RPS25: variants seen among roughly 807,000 people sequenced by gnomAD.
RPS25 encodes ribosomal protein S25.
RPS25 carries 1 observed loss-of-function variant against 14.4 expected under a neutral mutation model. The ratio of observed to expected loss-of-function variants is 0.07; its 90% confidence interval spans 0.02 to 0.33. The LOEUF (loss-of-function observed/expected upper bound fraction) is 0.33. Ranked by LOEUF, RPS25 falls within the 10% of genes least tolerant of loss-of-function variation. The probability of loss-of-function intolerance (pLI) is 1.00; values close to 1 mark genes in which losing one functional copy is unlikely to be tolerated. For synonymous variants in RPS25, 63 were observed against 53.8 expected, an observed-to-expected ratio of 1.17 and a Z score of -0.75; for missense variants, 65 against 144.6, an observed-to-expected ratio of 0.45 and a Z score of 2.82.
In RPS25 at chr11:119,015,819, G is replaced by A. The variant is rs1305313444; in HGVS notation, c.*4+22C>T. The A allele has an allele frequency of 2.7e-6, 4 of 1,494,198 alleles. No individual in the cohort carries two copies. The South Asian group carries it at 3.4e-5, about 13-fold the overall frequency. The allele number at this position is 1,494,198 out of a possible 1,614,324, so 92.6% of individuals were successfully genotyped here. A position where few individuals can be genotyped will look rare whatever the true frequency, so the allele number is the denominator to read the frequency against. ...GCTTTGTATCTACCTCCTACACCAT[G>A]AGCCCACACATTCCTACTCACCTAT... On this transcript the variant is annotated intron_variant, in intron 4 of 4. Coordinates refer to ENST00000527673, the MANE Select transcript of RPS25 (RefSeq NM_001028.3).
In RPS25 at chr11:119,017,954, C is replaced by G. The variant is rs953511615; in HGVS notation, c.99+4G>C. On this transcript the variant is annotated splice_donor_region_variant and intron_variant, in intron 2 of 4. Transcript: ENST00000527673. ...AGTCTCTTTCAGAGAGGTCTTATTT[C>G]TACCTTCTTTTTGGCCTTGCCCCCG... 2 of 1,610,350 alleles carry G rather than the reference C, an allele frequency of 1.2e-6. No homozygotes were observed. The highest frequency in any genetic ancestry group is 1.7e-6 in the Non-Finnish European group (2 of 1,177,670).
rs570218603 is a variant in RPS25 at position 119,016,014 on chromosome 11, G to A, written c.284-75C>T. ...AAACTAGTAAGGTTTTTGGCTGGGC[G>A]CGGTGGCTCATGCTTATAATCCCAC... On this transcript the variant is annotated intron_variant, in intron 3 of 4. Transcript: ENST00000527673. 13 of 916,300 alleles carry A rather than the reference G, an allele frequency of 1.4e-5. No individual in the cohort carries two copies. The East Asian group carries it at 1.5e-4, about 10-fold the overall frequency. The allele number at this position is 916,300 out of a possible 1,614,324, so 56.8% of individuals were successfully genotyped here.
intron 3 of RPS25, among the ~76,000 whole-genome samples, chr11:119,016,427 A>T (rs1943157677): frequency 6.6e-6 from 1 of 152,074 alleles, no homozygotes; most frequent in Non-Finnish European, 1.5e-5. Context: ...AAAAAGACAG[A>T]GTTCTCTCAG....
Position 119,017,561 on chromosome 11 carries a change from A to C in RPS25, c.100-16T>G. On this transcript the variant is annotated splice_polypyrimidine_tract_variant and intron_variant, in intron 2 of 4. Coordinates refer to ENST00000527673, the MANE Select transcript of RPS25 (RefSeq NM_001028.3). ...TGGACCACTTCTGCTCACCAAAACA[A>C]AACAGAAACAAGTTAGTATTTCTGG... The C allele has an allele frequency of 1.2e-6, 2 of 1,607,604 alleles. No individual in the cohort carries two copies. Among genetic ancestry groups the C allele is most frequent in the South Asian group, 2.2e-5 (2 of 90,476 alleles).
chr11:119,017,686 A>C (rs1348430534), intron 2 of RPS25, 141 bp from the exon 3 acceptor site: 12 of 860,492 alleles, frequency 1.4e-5, no homozygotes, highest in Non-Finnish European at 2.0e-5. Flanking sequence ...ACAAAAAAAA[A>C]ACACCGACAC....
intron 2 of RPS25, 186 bp from the exon 3 acceptor site, chr11:119,017,731 A>G (rs758266084): frequency 1.3e-5 from 9 of 684,348 alleles, no homozygotes; most frequent in Non-Finnish European, 1.7e-5. Context: ...GAGCCCCACT[A>G]GATCAGTTAA....
rs782413703 is a variant in RPS25 at position 119,018,317 on chromosome 11, A to C, written c.-33T>G. 1 of 1,614,036 alleles carries C rather than the reference A, an allele frequency of 6.2e-7. No homozygotes were observed. The highest frequency in any genetic ancestry group is 8.5e-7 in the Non-Finnish European group (1 of 1,180,034). ...CTCGGAGAATAGCAGCAGACACCGC[A>C]GCCTCGTCAAGATGTCGGACAAAAA... is the stretch of plus-strand genomic sequence containing the variant. On this transcript the variant is annotated 5_prime_UTR_variant, in exon 1 of 5. Coordinates refer to ENST00000527673, the MANE Select transcript of RPS25 (RefSeq NM_001028.3).
Position 119,018,012 on chromosome 11 carries a change from C to T in RPS25, c.45G>A (p.Ser15=). ...DDKKKKDAGK[S]AKKDKDPVNK... is the part of the protein sequence containing the mutation. ...TCACTGGGTCTTTGTCTTTCTTGGC[C>T]GACTTTCCAGCGTCCTTCTTCTTCT... The change falls in exon 2 of 5, where the codon TCG becomes TCA. Residue 15 remains serine, a synonymous_variant. Transcript: ENST00000527673. 6.2e-7 allele frequency: 1 copy of T among 1,612,286 alleles called. No homozygotes were observed.
chr11:119,018,171 C>CG, intron 1 of RPS25, 111 bp downstream of exon 1: 1 of 1,581,928 alleles, frequency 6.3e-7, no homozygotes, highest in Non-Finnish European at 8.7e-7. Flanking sequence ...GCAATAACCG[C>CG]GCCCGCCCTG....
intron 2 of RPS25, 115 bp from the exon 3 acceptor site, chr11:119,017,660 C>A: frequency 1.0e-6 from 1 of 987,262 alleles, no homozygotes; most frequent in Non-Finnish European, 1.5e-6. Context: ...ATAAATTACA[C>A]ATTACTAAAA....
chr11:119,015,782 C>A, intron 4 of RPS25, 24 bp from the exon 5 acceptor site: 1 of 1,347,620 alleles, frequency 7.4e-7, no homozygotes, highest in South Asian at 1.2e-5. Flanking sequence ...TTAAAAGAAT[C>A]AGAACCATAA....
rs149825323 is a variant in RPS25, at chr11:119,015,893, G to A, written c.330C>T (p.Thr110=). The A allele has an allele frequency of 4.7e-3, 7,550 of 1,611,958 alleles. 272 individuals are homozygous for A. In the African/African-American group the frequency reaches 0.08, roughly 17 times the overall value. ...VSKHRAQVIY[T]RNTKGGDAPA... is the part of the protein sequence containing the mutation. ...GAGCATCTCCACCCTTGGTATTTCT[G>A]GTGTAAATTACTTGAGCTCTGTGCT... The change falls in exon 4 of 5, where the codon ACC becomes ACT. Residue 110 remains threonine, a synonymous_variant. Coordinates refer to ENST00000527673, the MANE Select transcript of RPS25 (RefSeq NM_001028.3).
In RPS25 at chr11:119,015,731, A is replaced by G; in HGVS notation, c.*32T>C. 1 of 1,281,192 alleles carries G rather than the reference A, an allele frequency of 7.8e-7. No homozygotes were observed. Among genetic ancestry groups the G allele is most frequent in the African/African-American group, 1.5e-5 (1 of 67,164 alleles). 79.4% of individuals were successfully genotyped at this position (1,281,192 alleles called of 1,614,324 possible). A position where few individuals can be genotyped will look rare whatever the true frequency, so the allele number is the denominator to read the frequency against. On this transcript the variant is annotated 3_prime_UTR_variant, in exon 5 of 5. Coordinates refer to ENST00000527673, the MANE Select transcript of RPS25 (RefSeq NM_001028.3). ...CATTCATTTGATTTAATAAAGTTTT[A>G]TTTTTCCAAATGTACAGCTGGTTGG... is the stretch of plus-strand genomic sequence containing the variant.
At chr11:119,017,826 C>T in intron 2 of RPS25, 132 bp downstream of exon 2, 8 of 765,170 alleles carry the variant, frequency 1.0e-5, no homozygotes, top group Non-Finnish European at 1.1e-5. Context: ...CGAGTGGTGA[C>T]GGGAAGATAA....
rs73559166 is a variant in RPS25 at position 119,016,566 on chromosome 11, C to A, written c.284-627G>T. 9.1e-3 allele frequency among the ~76,000 whole-genome samples: 1,380 copies of A among 151,662 alleles called. 25 individuals carry two copies. Among genetic ancestry groups the A allele is most frequent in the African/African-American group, 0.031 (1,298 of 41,386 alleles). On this transcript the variant is annotated intron_variant, in intron 3 of 4. Coordinates refer to ENST00000527673, the MANE Select transcript of RPS25 (RefSeq NM_001028.3). ...ATTGCTTAATCTGACGTTCGGTAAC[C>A]GAGAATCCTAGTTTTTAACGATCAT...
At chr11:119,018,138 C>T (rs1943211775) in intron 1 of RPS25, 85 bp from the exon 2 acceptor site, 1 of 1,562,114 alleles carries the variant, frequency 6.4e-7, no homozygotes, top group East Asian at 2.2e-5. Context: ...CCGCAAACTC[C>T]ACCACCAGAG....
Position 119,018,266 on chromosome 11 carries a change from C to A in RPS25, c.3+16G>T. On this transcript the variant is annotated intron_variant, in intron 1 of 4. Coordinates refer to ENST00000527673, the MANE Select transcript of RPS25 (RefSeq NM_001028.3). Reference sequence around the variant, plus strand: ...AAACCCAAGAACGCCGGCGACTTCACACCCCTGAAGCTTACCATTGCGAAG... The same window carrying A: ...AAACCCAAGAACGCCGGCGACTTCAAACCCCTGAAGCTTACCATTGCGAAG... 1 of 1,614,152 alleles carries A rather than the reference C, an allele frequency of 6.2e-7. No individual in the cohort carries two copies. Among genetic ancestry groups the A allele is most frequent in the Non-Finnish European group, 8.5e-7 (1 of 1,179,982 alleles).
chr11:119,016,067 A>G, intron 3 of RPS25, 128 bp from the exon 4 acceptor site: 2 of 611,524 alleles, frequency 3.3e-6, no homozygotes, highest in Non-Finnish European at 3.0e-6. Context: ...ACGGGCAGAT[A>G]GCTTGAGGTA....
In RPS25 at chr11:119,017,565, A is replaced by G; in HGVS notation, c.100-20T>C. On this transcript the variant is annotated intron_variant, in intron 2 of 4. Coordinates refer to ENST00000527673, the MANE Select transcript of RPS25 (RefSeq NM_001028.3). ...CCACTTCTGCTCACCAAAACAAAACAGAAACAAGTTAGTATTTCTGGCAGA... is the reference window on the plus strand; with the variant it reads ...CCACTTCTGCTCACCAAAACAAAACGGAAACAAGTTAGTATTTCTGGCAGA... The G allele has an allele frequency of 6.2e-7, 1 of 1,606,916 alleles. No individual in the cohort carries two copies. Among genetic ancestry groups the G allele is most frequent in the Non-Finnish European group, 8.5e-7 (1 of 1,174,882 alleles).
Sources: allele counts gnomAD v4.1 joint callset (sites outside exome capture counted in the v4.1 genomes callset), GRCh38; gene constraint gnomAD v4.1.1; transcripts MANE v1.5; gene names NCBI Gene and HGNC (gene_info 2026-07-23, HGNC 2026-07-21).